The following ZNF280C variants were observed in gnomAD, a reference collection of about 807,000 sequenced individuals.
ZNF280C encodes zinc finger protein 280C.
In ZNF280C, 14 loss-of-function variants were observed where a neutral mutation model predicts 53.6. The ratio of observed to expected loss-of-function variants is 0.26; its 90% CI spans 0.17 to 0.41. ZNF280C has a LOEUF of 0.41. Among genes scored for constraint, ZNF280C ranks in the 10% least tolerant of loss-of-function variants. The pLI is 1.00. For missense variants in ZNF280C, 416 were observed against 547.1 expected (o/e 0.76, Z 2.39); for synonymous variants, 203 against 181.1 (o/e 1.12, Z -0.97).
In ZNF280C at chrX:130,215,882, G is replaced by C; in HGVS notation, c.1747C>G (p.Arg583Gly). 1.7e-6 allele frequency: 2 copies of C among 1,210,911 alleles called. No individual in the cohort carries two copies. Among genetic ancestry groups the C allele is most frequent in the Non-Finnish European group, 2.2e-6 (2 of 894,933 alleles). Residue 583 changes from arginine to glycine, a missense_variant, in exon 14 of 19, where the codon CGT becomes GGT. Transcript: ENST00000370978. Reference protein sequence around the residue: ...SKVNTSKPRGRIAKSKAKPSY... With the variant: ...SKVNTSKPRGGIAKSKAKPSY... Reference sequence around the variant, plus strand: ...GGTTTTGCTTTGGACTTAGCTATACGTCCCCTTGGCTTACTTGTATTAACT... The same window carrying C: ...GGTTTTGCTTTGGACTTAGCTATACCTCCCCTTGGCTTACTTGTATTAACT...
At chrX:130,266,580 A>G (rs2032690700) in intron 1 of ZNF280C, among the ~76,000 whole-genome samples, 2 of 111,516 alleles carry the variant, frequency 1.8e-5, no homozygotes, top group South Asian at 3.8e-4. Context: ...AAAACATCAC[A>G]TTGTACCCCA....
intron 2 of ZNF280C, among the ~76,000 whole-genome samples, chrX:130,250,071 A>G (rs983390190): frequency 2.7e-5 from 3 of 112,068 alleles, no homozygotes; most frequent in Non-Finnish European, 5.6e-5. Context: ...GAACTTGAAG[A>G]CTGGTTTTCT....
chrX:130,256,394 A>G (rs1347502268), intron 2 of ZNF280C, among the ~76,000 whole-genome samples: 1 of 111,992 alleles, frequency 8.9e-6, no homozygotes, highest in Non-Finnish European at 1.9e-5. Context: ...AGATTACCTG[A>G]CAAGTTTCAG....
chrX:130,253,186 T>C (rs749999200), intron 2 of ZNF280C, among the ~76,000 whole-genome samples: 3 of 111,956 alleles, frequency 2.7e-5, no homozygotes, highest in Admixed American at 9.5e-5. Flanking sequence ...AAGAATAAAA[T>C]ACCTAGGAAT....
intron 2 of ZNF280C, among the ~76,000 whole-genome samples, chrX:130,250,362 G>C (rs1404103097): frequency 1.8e-5 from 2 of 110,999 alleles, no homozygotes; most frequent in Non-Finnish European, 3.8e-5. Context: ...GTTGTTTTTT[G>C]AAAAAATTAA....
intron 1 of ZNF280C, among the ~76,000 whole-genome samples, chrX:130,262,097 G>A (rs2032635838): frequency 8.9e-6 from 1 of 111,955 alleles, no homozygotes; most frequent in South Asian, 3.7e-4. Context: ...TGGCTATAGA[G>A]ATAGCTTTTG....
At chrX:130,221,220 G>T (rs778637475) in intron 12 of ZNF280C, among the ~76,000 whole-genome samples, 2 of 111,597 alleles carry the variant, frequency 1.8e-5, no homozygotes, top group East Asian at 5.6e-4. Context: ...TGGTGTACTG[G>T]ATCATACCAT....
intron 1 of ZNF280C, among the ~76,000 whole-genome samples, chrX:130,262,871 G>A (rs2032646276): frequency 9.0e-6 from 1 of 111,713 alleles, no homozygotes; most frequent in Non-Finnish European, 1.9e-5. Flanking sequence ...TTATTTTTTG[G>A]TTTCAGCTTT....
rs1484681636 is a variant in ZNF280C at position 130,255,210 on chromosome X, G to A, written c.31+5209C>T. ...GGCTGGAGTGCAGTGGCGGGATCTC[G>A]GCTCACTGCAAGCTCCGCCTCCCGG... On this transcript the variant is annotated intron_variant, in intron 2 of 18. Transcript: ENST00000370978. Among the ~76,000 whole-genome samples the A allele has an allele frequency of 5.4e-4, 51 of 95,134 alleles. 1 individual carries two copies. Among genetic ancestry groups the A allele is most frequent in the African/African-American group, 1.9e-3 (49 of 25,761 alleles). 82.6% of individuals were successfully genotyped at this position (95,134 alleles called of 115,157 possible).
At chrX:130,228,656 T>C (rs1322539969) in intron 10 of ZNF280C, among the ~76,000 whole-genome samples, 2 of 74,307 alleles carry the variant, frequency 2.7e-5, no homozygotes, top group African/African-American at 1.2e-4. Flanking sequence ...GGCAGGGTCT[T>C]ACTATGTTGC....
At chrX:130,234,075 G>T (rs1478984252) in intron 8 of ZNF280C, among the ~76,000 whole-genome samples, 1 of 111,341 alleles carries the variant, frequency 9.0e-6, no homozygotes, top group East Asian at 2.8e-4. Context: ...TCCTACCAAT[G>T]AATATACATG....
At chrX:130,266,613 G>A (rs763324926) in intron 1 of ZNF280C, among the ~76,000 whole-genome samples, 55 of 109,414 alleles carry the variant, frequency 5.0e-4, no homozygotes, top group Admixed American at 3.1e-3. Flanking sequence ...ATTATCATTT[G>A]CCAATAAAAA....
At chrX:130,226,238 TG>T (rs1409383974) in intron 12 of ZNF280C, among the ~76,000 whole-genome samples, 1 of 112,331 alleles carries the variant, frequency 8.9e-6, no homozygotes, top group Non-Finnish European at 1.9e-5. Context: ...AAGTCAATTC[TG>T]GGTCACTGAT....
chrX:130,213,836 T>C (rs1381578847), intron 15 of ZNF280C, among the ~76,000 whole-genome samples: 2 of 112,479 alleles, frequency 1.8e-5, no homozygotes, highest in Non-Finnish European at 3.8e-5. Context: ...AAAAAATCCC[T>C]GCAAGCCAGG....
chrX:130,232,877 T>C (rs2032292358), intron 8 of ZNF280C, among the ~76,000 whole-genome samples: 1 of 111,625 alleles, frequency 9.0e-6, no homozygotes, highest in South Asian at 3.7e-4. Flanking sequence ...GAGACATCTG[T>C]ACTCCCATGT....
At chrX:130,220,027 T>C (rs1196336373) in intron 13 of ZNF280C, among the ~76,000 whole-genome samples, 1 of 111,554 alleles carries the variant, frequency 9.0e-6, no homozygotes, top group African/African-American at 3.2e-5. Flanking sequence ...TCTATTATCA[T>C]ACAAAATGTT....
intron 2 of ZNF280C, among the ~76,000 whole-genome samples, chrX:130,247,530 G>T (rs974824799): frequency 2.7e-5 from 3 of 111,533 alleles, no homozygotes; most frequent in African/African-American, 3.3e-5. Context: ...GGTAGCAAAA[G>T]AAATGAGCTC....
intron 12 of ZNF280C, among the ~76,000 whole-genome samples, chrX:130,221,550 C>G (rs1016200446): frequency 9.0e-6 from 1 of 111,593 alleles, no homozygotes; most frequent in African/African-American, 3.3e-5. Flanking sequence ...TCCTTCCCTA[C>G]TCTTCCCAAT....
intron 12 of ZNF280C, among the ~76,000 whole-genome samples, chrX:130,221,842 T>C (rs761229860): frequency 1.7e-4 from 19 of 111,628 alleles, no homozygotes; most frequent in Non-Finnish European, 3.4e-4. Context: ...GTCAGAGTGA[T>C]CTTAAAATGT....
Sources: allele counts gnomAD v4.1 joint callset (sites outside exome capture counted in the v4.1 genomes callset), GRCh38; gene constraint gnomAD v4.1.1; transcripts MANE v1.5; gene names NCBI Gene and HGNC (gene_info 2026-07-23, HGNC 2026-07-21).